ABCD4: variants seen among roughly 807,000 people sequenced by gnomAD.
ABCD4 encodes the protein lysosomal cobalamin transporter ABCD4.
ABCD4 carries 53 observed loss-of-function variants against 86.3 expected under a neutral mutation model. The observed-to-expected ratio is 0.61, with a 90% CI of 0.49 to 0.77. The LOEUF is 0.77. ABCD4 is among the 30% of genes least tolerant of loss of function. ABCD4 has a pLI of 0.00. For missense variants in ABCD4, 757 were observed against 764.5 expected, an observed-to-expected ratio of 0.99 and a Z score of 0.12; for synonymous variants, 328 against 313.6, an observed-to-expected ratio of 1.05 and a Z score of -0.49.
intron 16 of ABCD4, 35 bp from the exon 17 acceptor site, chr14:74,287,921 GGAA>G (rs778502596): frequency 2.5e-6 from 4 of 1,572,514 alleles, no homozygotes; most frequent in Non-Finnish European, 3.5e-6. Context: ...TGCTAGAGGA[GGAA>G]GAATATAGCT....
rs1012577856 is a variant in ABCD4 at position 74,292,914 on chromosome 14, C to A, written c.815-45G>T. 5 of 1,612,610 alleles carry A rather than the reference C, an allele frequency of 3.1e-6. No homozygotes were observed. The African/African-American group carries it at 5.3e-5, about 17-fold the overall frequency. Reference sequence around the variant, plus strand: ...GAGACACCCAGGAACCATCCACATGCCCTACAGCGGACACAACCCTAAGAC... The same window carrying A: ...GAGACACCCAGGAACCATCCACATGACCTACAGCGGACACAACCCTAAGAC... On this transcript the variant is annotated intron_variant, in intron 8 of 18. Coordinates refer to ENST00000356924, the MANE Select transcript of ABCD4 (RefSeq NM_005050.4).
At chr14:74,299,442 A>C in intron 3 of ABCD4, 106 bp downstream of exon 3, 1 of 1,406,792 alleles carries the variant, frequency 7.1e-7, no homozygotes, top group Non-Finnish European at 9.8e-7. Flanking sequence ...GAGGAAACAC[A>C]CCCCCACAGC....
At chr14:74,286,580 G>A (rs1453219868) in intron 18 of ABCD4, 51 bp from the exon 19 acceptor site, 9 of 1,612,486 alleles carry the variant, frequency 5.6e-6, no homozygotes, top group Admixed American at 1.7e-5. Context: ...GCCGCTGGCA[G>A]AGGAGGCCAC....
At chr14:74,295,093 C>T in intron 7 of ABCD4, 55 bp downstream of exon 7, 1 of 1,599,886 alleles carries the variant, frequency 6.3e-7, no homozygotes, top group South Asian at 1.1e-5. Context: ...TTCATCTTTC[C>T]TTCTCCACTC....
chr14:74,295,282 C>T (rs1429090427), intron 6 of ABCD4, 84 bp from the exon 7 acceptor site: 6 of 1,517,250 alleles, frequency 4.0e-6, no homozygotes, highest in South Asian at 1.1e-5. Context: ...CAAAGACCGC[C>T]CAAGCGGAGC....
rs572922516 is a variant in ABCD4, at chr14:74,294,918, C to A, written c.719+230G>T. ...GACAATTTCAGGCCCCACGCTAGGC[C>A]ACTAAGACTAAAGCTGGCCACAGTA... On this transcript the variant is annotated intron_variant, in intron 7 of 18. Coordinates refer to ENST00000356924, the MANE Select transcript of ABCD4 (RefSeq NM_005050.4). 1.2e-5 allele frequency: 7 copies of A among 573,684 alleles called. 1 individual carries two copies. The South Asian group carries it at 1.5e-4, about 13-fold the overall frequency. 35.5% of individuals were successfully genotyped at this position (573,684 alleles called of 1,614,324 possible).
At chr14:74,295,299 C>G in intron 6 of ABCD4, 101 bp from the exon 7 acceptor site, 2 of 1,424,204 alleles carry the variant, frequency 1.4e-6, no homozygotes, top group Non-Finnish European at 2.0e-6. Flanking sequence ...GAGCCCGGCT[C>G]TGCCTCAAAA....
intron 1 of ABCD4, among the ~76,000 whole-genome samples, chr14:74,301,249 T>C (rs2084405095): frequency 6.7e-6 from 1 of 149,416 alleles, no homozygotes; most frequent in Non-Finnish European, 1.5e-5. Flanking sequence ...AACCTCTGCC[T>C]CCCGGGTTCA....
At chr14:74,299,495 G>T (rs1038229244) in intron 3 of ABCD4, 53 bp downstream of exon 3, 3 of 1,601,930 alleles carry the variant, frequency 1.9e-6, no homozygotes, top group Admixed American at 1.7e-5. Context: ...TAGGCATTAC[G>T]GTCACACTGG....
intron 11 of ABCD4, among the ~76,000 whole-genome samples, chr14:74,291,273 CA>C (rs1415369052): frequency 3.3e-5 from 5 of 152,208 alleles, no homozygotes; most frequent in African/African-American, 1.2e-4. Context: ...CACATTAATA[CA>C]GGGGTAGGGG....
intron 1 of ABCD4, among the ~76,000 whole-genome samples, chr14:74,301,253 G>C (rs1486089429): frequency 6.6e-6 from 1 of 150,644 alleles, no homozygotes; most frequent in Non-Finnish European, 1.5e-5. Flanking sequence ...TCTGCCTCCC[G>C]GGTTCAAGCG....
Position 74,297,941 on chromosome 14 carries a change from G to A in ABCD4, c.414C>T (p.Asp138=). 1 of 1,613,302 alleles carries A rather than the reference G, an allele frequency of 6.2e-7. No individual in the cohort carries two copies. The highest frequency in any genetic ancestry group is 8.5e-7 in the Non-Finnish European group (1 of 1,179,770). ...GTTGGGGCGCCTACGGGTTATCGAT[G>A]TCATCCCGCAGCACGTTGAGGGTGT... is the stretch of plus-strand genomic sequence containing the variant. The part of the protein sequence containing the change: ...AYYTLNVLRD[D]IDNPDQRISQ... Residue 138 remains aspartate (D), a synonymous_variant, in exon 4 of 19, where the codon GAC becomes GAT. Coordinates refer to ENST00000356924, the MANE Select transcript of ABCD4 (RefSeq NM_005050.4).
intron 9 of ABCD4, 38 bp downstream of exon 9, chr14:74,292,710 G>C (rs748950728): frequency 3.1e-6 from 5 of 1,613,978 alleles, no homozygotes; most frequent in Non-Finnish European, 4.2e-6. Flanking sequence ...CAAGGACAGA[G>C]AGGGACAGCA....
chr14:74,286,695 G>C lies in ABCD4; in HGVS notation c.1752+6C>G. ...CTCCTCAGGCCATCCTTGTGAGCAC[G>C]GGTACCTTCTCAAGGCTCTGCCGAT... is the stretch of plus-strand genomic sequence containing the variant. On this transcript the variant is annotated splice_donor_region_variant and intron_variant, in intron 18 of 18. Transcript: ENST00000356924. 1 of 1,613,986 alleles carries C rather than the reference G, an allele frequency of 6.2e-7. No individual in the cohort carries two copies. Among genetic ancestry groups the C allele is most frequent in the East Asian group, 2.2e-5 (1 of 44,882 alleles).
chr14:74,298,017 T>C lies in ABCD4; in HGVS notation c.338A>G (p.Lys113Arg), dbSNP rs1330451860. Residue 113 changes from lysine (K) to arginine (R), a missense_variant, in exon 4 of 19, where the codon AAG becomes AGG. Coordinates refer to ENST00000356924, the MANE Select transcript of ABCD4 (RefSeq NM_005050.4). Reference protein sequence around the residue: ...TCNLLYVSWRKDLTEHLHRLY... With the variant: ...TCNLLYVSWRRDLTEHLHRLY... ...GCGGTGAAGGTGCTCAGTGAGGTCCTTCCTCCAGCTCACATACAGCAGGTT... is the reference window on the plus strand; with the variant it reads ...GCGGTGAAGGTGCTCAGTGAGGTCCCTCCTCCAGCTCACATACAGCAGGTT... 3.1e-6 allele frequency: 5 copies of C among 1,613,852 alleles called. No homozygotes were observed. The highest frequency in any genetic ancestry group is 4.2e-6 in the Non-Finnish European group (5 of 1,179,980).
At chr14:74,287,760 C>G in intron 17 of ABCD4, 50 bp downstream of exon 17, 1 of 1,526,182 alleles carries the variant, frequency 6.6e-7, no homozygotes, top group Non-Finnish European at 9.0e-7. Flanking sequence ...CTGCTACACC[C>G]GTGAGTGCAG....
chr14:74,297,698 T>A (rs2083225666), intron 4 of ABCD4: 2 of 1,227,458 alleles, frequency 1.6e-6, no homozygotes, highest in Non-Finnish European at 2.0e-6. Context: ...TTGTTGGGAC[T>A]ACAGGTGCAT....
intron 7 of ABCD4, chr14:74,294,742 C>G (rs2082406342): frequency 5.6e-6 from 1 of 180,122 alleles, no homozygotes; most frequent in African/African-American, 2.4e-5. Flanking sequence ...TCCTGGTTTT[C>G]TGAGAAGCTC....
chr14:74,293,032 T>G, intron 8 of ABCD4, 122 bp downstream of exon 8: 2 of 1,430,186 alleles, frequency 1.4e-6, no homozygotes, highest in Non-Finnish European at 1.9e-6. Context: ...CCCCTCCTCA[T>G]CCCCGGTTAA....
Sources: gnomAD v4.1 joint callset for allele counts (sites outside exome capture counted in the v4.1 genomes callset) on GRCh38, gnomAD v4.1.1 for gene constraint, MANE v1.5 for transcripts, NCBI Gene and HGNC (gene_info 2026-07-23, HGNC 2026-07-21) for gene names.